BOP1: variants seen among roughly 807,000 people sequenced by gnomAD.
BOP1 encodes the protein ribosome biogenesis protein BOP1.
Under a neutral mutation model 82.9 loss-of-function variants are expected in BOP1, and 54 were observed. That is an observed-to-expected ratio of 0.65 (90% CI 0.52 to 0.82). BOP1 has a LOEUF of 0.82. Among genes scored for constraint, BOP1 ranks in the 40% least tolerant of loss-of-function variants. The pLI is 0.00. For synonymous variants in BOP1, 566 were observed against 451.1 expected, an observed-to-expected ratio of 1.25 and a Z score of -3.23; for missense variants, 1,170 against 1,072.0, an observed-to-expected ratio of 1.09 and a Z score of -1.28.
At chr8:144,286,979 T>C (rs1198903605) in intron 2 of BOP1, among the ~76,000 whole-genome samples, 1 of 152,224 alleles carries the variant, frequency 6.6e-6, no homozygotes, top group African/African-American at 2.4e-5. Flanking sequence ...CTCTAGTACC[T>C]TTCAAGTACT....
chr8:144,278,519 G>A (rs1435792481), intron 2 of BOP1, among the ~76,000 whole-genome samples: 2 of 152,244 alleles, frequency 1.3e-5, no homozygotes, highest in Non-Finnish European at 2.9e-5. Context: ...CACCTCCTGG[G>A]AGAGGATGGC....
Position 144,262,956 on chromosome 8 carries a change from C to T in BOP1, c.1791G>A (p.Ala597=), listed in dbSNP as rs978373996. ...GGTAGAGGCGGACGCTGCGCTGGGA[C>T]GCCACCAACAGGAAGGGCCGGGCAG... ...FHPARPFLLV[A]SQRSVRLYHL... The change falls in exon 13 of 16, where the codon GCG becomes GCA. Residue 597 remains alanine, a synonymous_variant. Transcript: ENST00000569669. The T allele has an allele frequency of 1.0e-5, 16 of 1,547,514 alleles. No homozygotes were observed. The East Asian group carries it at 1.7e-4, about 16-fold the overall frequency.
intron 3 of BOP1, among the ~76,000 whole-genome samples, chr8:144,275,466 G>A (rs1342598130): frequency 3.6e-5 from 2 of 55,004 alleles, no homozygotes; most frequent in South Asian, 6.3e-4. Flanking sequence ...GCCTCTCCAC[G>A]CTGGCGGAGC....
At chr8:144,269,213 C>T (rs1845448839) in intron 3 of BOP1, among the ~76,000 whole-genome samples, 2 of 152,252 alleles carry the variant, frequency 1.3e-5, no homozygotes. Context: ...TGACAATTAC[C>T]ATTGAGTGGT....
chr8:144,286,642 C>T (rs1423926693), intron 2 of BOP1, among the ~76,000 whole-genome samples: 1 of 152,206 alleles, frequency 6.6e-6, no homozygotes, highest in African/African-American at 2.4e-5. Flanking sequence ...ACAGGACACG[C>T]GGGCAGGTGC....
chr8:144,268,311 C>G, intron 3 of BOP1: 1 of 938,304 alleles, frequency 1.1e-6, no homozygotes, highest in Non-Finnish European at 1.6e-6. Flanking sequence ...GACGTACAGA[C>G]AGGCGCCGGC....
rs887095055 is a variant in BOP1 at position 144,263,992 on chromosome 8, G to A, written c.1129C>T (p.Arg377Cys). 16 of 1,609,302 alleles carry A rather than the reference G, an allele frequency of 9.9e-6. No individual in the cohort carries two copies. The East Asian group carries it at 2.2e-4, about 22-fold the overall frequency. Residue 377 changes from arginine to cysteine, a missense_variant, in exon 8 of 16, where the codon CGC becomes TGC. Transcript: ENST00000569669. ...CCACCCCCACACACCCTCATCTTGC[G>A]CTGCCGTGGGCACAGGTACAGGTCA... ...CLDLYLCPRQRKMRVNVDPED... is the reference protein window; with the variant it reads ...CLDLYLCPRQCKMRVNVDPED...
chr8:144,262,766 CTGCCCCT>C, intron 13 of BOP1, 80 bp downstream of exon 13: 9 of 1,461,384 alleles, frequency 6.2e-6, no homozygotes, highest in Non-Finnish European at 8.3e-6. Context: ...GCAGGGTGCA[CTGCCCCT>C]ACCCCCACCC....
Position 144,263,377 on chromosome 8 carries a change from G to T in BOP1, c.1449C>A (p.Asn483Lys). 5.6e-6 allele frequency: 9 copies of T among 1,597,446 alleles called. No individual in the cohort carries two copies. Among genetic ancestry groups the T allele is most frequent in the Non-Finnish European group, 5.9e-6 (7 of 1,179,620 alleles). ...AAVEDSVLLL[N>K]PALGDRLVAG... ...CCACCAGCCGGTCCCCCAGAGCTGG[G>T]TTCAGCAGCAGCACCGAGTCCTCCC... Residue 483 changes from asparagine to lysine, a missense_variant, in exon 12 of 16, where the codon AAC becomes AAA. Asn to Lys is a moderately conservative substitution (Grantham distance 94). Transcript: ENST00000569669.
At chr8:144,266,730 C>T in intron 3 of BOP1, 1 of 1,125,726 alleles carries the variant, frequency 8.9e-7, no homozygotes, top group South Asian at 2.2e-5. Context: ...ACGAGAAACC[C>T]TGTCGCGTGC....
chr8:144,267,164 G>T, intron 3 of BOP1: 1 of 1,531,464 alleles, frequency 6.5e-7, no homozygotes, highest in Non-Finnish European at 8.7e-7. Context: ...TTCTGCCTCA[G>T]CAACCAGAGA....
intron 2 of BOP1, among the ~76,000 whole-genome samples, chr8:144,278,503 T>C (rs1335304184): frequency 1.3e-5 from 2 of 152,248 alleles, no homozygotes. Context: ...ACACGGGCTC[T>C]GCCCTCACCT....
In BOP1 at chr8:144,262,590, C is replaced by G. The variant is rs972555689; in HGVS notation, c.1977G>C (p.Leu659=). The change falls in exon 14 of 16, where the codon CTG becomes CTC. Residue 659 remains leucine, a splice_region_variant and synonymous_variant. Coordinates refer to ENST00000569669, the MANE Select transcript of BOP1 (RefSeq NM_015201.5). ...CCTCCACCCCCAGCTTTCCTCACCT[C>G]AGCATCCTGTATGGCTTGGTGGAAA... The part of the protein sequence containing the change: ...LDLSTKPYRM[L]RHHKKALRAV... 1.3e-4 allele frequency: 214 copies of G among 1,613,496 alleles called. No individual in the cohort carries two copies. The African/African-American group carries it at 2.6e-3, about 20-fold the overall frequency.
At chr8:144,276,447 A>T in intron 2 of BOP1, 143 bp from the exon 3 acceptor site, 1 of 958,642 alleles carries the variant, frequency 1.0e-6, no homozygotes, top group South Asian at 1.4e-5. Context: ...GAGAACACCC[A>T]GCTCTAAGGG....
chr8:144,266,533 C>T lies in BOP1; in HGVS notation c.391-1462G>A, dbSNP rs1350108616. On this transcript the variant is annotated intron_variant, in intron 3 of 15. Coordinates refer to ENST00000569669, the MANE Select transcript of BOP1 (RefSeq NM_015201.5). ...CCGAGACCCCGCGCCTCGCCCCGGC[C>T]GGCCCGCGAGGCCCGCGGCGGCCGC... The T allele has an allele frequency of 6.8e-5, 68 of 992,812 alleles. No individual in the cohort carries two copies. The South Asian group carries it at 2.6e-3, about 38-fold the overall frequency. The allele number at this position is 992,812 out of a possible 1,614,324, so 61.5% of individuals were successfully genotyped here. A position where few individuals can be genotyped will look rare whatever the true frequency, so the allele number is the denominator to read the frequency against.
chr8:144,271,092 C>A (rs1406881553), intron 3 of BOP1, among the ~76,000 whole-genome samples: 1 of 136,518 alleles, frequency 7.3e-6, no homozygotes, highest in African/African-American at 2.8e-5. Context: ...GGCCGGCCGG[C>A]CGGGGGCACA....
chr8:144,266,355 G>A (rs896982036), intron 3 of BOP1, among the ~76,000 whole-genome samples: 2 of 151,330 alleles, frequency 1.3e-5, no homozygotes, highest in Non-Finnish European at 2.9e-5. Context: ...GGGACGCGGC[G>A]GGCGCTGCTC....
chr8:144,269,453 C>G (rs1845454080), intron 3 of BOP1, among the ~76,000 whole-genome samples: 1 of 152,228 alleles, frequency 6.6e-6, no homozygotes, highest in Non-Finnish European at 1.5e-5. Flanking sequence ...AGGGCTGGCC[C>G]AGGACTGCCC....
chr8:144,273,485 G>A (rs1397842376), intron 3 of BOP1, among the ~76,000 whole-genome samples: 2 of 152,228 alleles, frequency 1.3e-5, no homozygotes, highest in African/African-American at 2.4e-5. Flanking sequence ...CAGAGTGGAC[G>A]GCCACCCAGA....
Sources: gnomAD v4.1 joint callset for allele counts (sites outside exome capture counted in the v4.1 genomes callset) on GRCh38, gnomAD v4.1.1 for gene constraint, MANE v1.5 for transcripts, NCBI Gene and HGNC (gene_info 2026-07-23, HGNC 2026-07-21) for gene names.